TRPM6: variants seen among roughly 807,000 people sequenced by gnomAD.
The protein encoded by TRPM6 is channel kinase 2.
TRPM6 carries 111 observed loss-of-function variants against 247.6 expected under a neutral mutation model. The observed-to-expected ratio is 0.45, with a 90% CI of 0.38 to 0.52. The LOEUF (loss-of-function observed/expected upper bound fraction) is 0.52. Ranked by LOEUF, TRPM6 falls within the 20% of genes least tolerant of loss-of-function variation. TRPM6 has a pLI of 0.00. For synonymous variants in TRPM6, 892 were observed against 853.8 expected (o/e 1.04, Z -0.78); for missense variants, 2,126 against 2,421.5 (o/e 0.88, Z 2.56).
In TRPM6 at chr9:74,827,691, G is replaced by A. The variant is rs569086971; in HGVS notation, c.841+87C>T. 3 of 1,394,314 alleles carry A rather than the reference G, an allele frequency of 2.2e-6. No homozygotes were observed. The South Asian group carries it at 3.5e-5, about 16-fold the overall frequency. 86.4% of individuals were successfully genotyped at this position (1,394,314 alleles called of 1,614,324 possible). A position where few individuals can be genotyped will look rare whatever the true frequency, so the allele number is the denominator to read the frequency against. On this transcript the variant is annotated intron_variant, in intron 7 of 38. Coordinates refer to ENST00000360774, the MANE Select transcript of TRPM6 (RefSeq NM_017662.5). ...GGAGGCTAGCTTGAGGGGACTAGGA[G>A]AGTGAGCTCTGATGGTCAGGGAAGA...
At position 74,762,663 on chromosome 9, in the gene TRPM6, T is replaced by G. The variant is rs750380675; in HGVS notation, c.4008A>C (p.Gln1336His). The G allele has an allele frequency of 1.2e-6, 2 of 1,614,182 alleles. No homozygotes were observed. Among genetic ancestry groups the G allele is most frequent in the Non-Finnish European group, 1.7e-6 (2 of 1,180,014 alleles). ...IVVSGVSPNR[Q>H]AHSKYGQFLL... ...GAAACTGGCCATACTTTGAGTGTGCTTGCCTGTTAGGAGACACCCCAGAAA... is the reference window on the plus strand; with the variant it reads ...GAAACTGGCCATACTTTGAGTGTGCGTGCCTGTTAGGAGACACCCCAGAAA... The change falls in exon 26 of 39, where the codon CAA becomes CAC. Residue 1336 changes from glutamine to histidine, a missense_variant. Transcript: ENST00000360774.
chr9:74,726,484 T>C (rs1825329539), intron 38 of TRPM6, among the ~76,000 whole-genome samples: 2 of 152,134 alleles, frequency 1.3e-5, no homozygotes, highest in Admixed American at 6.5e-5. Context: ...CACTCCAGCC[T>C]GGATGACAAG....
intron 11 of TRPM6, 131 bp downstream of exon 11, chr9:74,816,538 T>A (rs1460404358): frequency 4.5e-6 from 3 of 666,382 alleles, no homozygotes; most frequent in Non-Finnish European, 7.9e-6. Context: ...GTCTTAGCTA[T>A]CCCAGCTACA....
At chr9:74,882,852 ATT>A (rs1831406059) in intron 1 of TRPM6, among the ~76,000 whole-genome samples, 1 of 152,118 alleles carries the variant, frequency 6.6e-6, no homozygotes, top group Non-Finnish European at 1.5e-5. Flanking sequence ...CTCTTTTTCC[ATT>A]TTTGTTTTAA....
In TRPM6 at chr9:74,820,165, C is replaced by A. The variant is rs138603811; in HGVS notation, c.1134+139G>T. On this transcript the variant is annotated intron_variant, in intron 9 of 38. Coordinates refer to ENST00000360774, the MANE Select transcript of TRPM6 (RefSeq NM_017662.5). ...ATTTATCCTGATTTTCTCCCTCCCCCCTCCACCCTGACAGGCCCCTGTATG... is the reference window on the plus strand; with the variant it reads ...ATTTATCCTGATTTTCTCCCTCCCCACTCCACCCTGACAGGCCCCTGTATG... 20,975 of 918,916 alleles carry A rather than the reference C, an allele frequency of 0.023. 393 individuals are homozygous for A. The highest frequency in any genetic ancestry group is 0.032 in the Middle Eastern group (104 of 3,240). 56.9% of individuals were successfully genotyped at this position (918,916 alleles called of 1,614,324 possible).
intron 23 of TRPM6, among the ~76,000 whole-genome samples, chr9:74,779,520 A>T (rs1180088607): frequency 6.6e-6 from 1 of 152,072 alleles, no homozygotes; most frequent in Non-Finnish European, 1.5e-5. Context: ...TGTCTTCCCT[A>T]CTTTTGTTAC....
rs765593417 is a variant in TRPM6 at position 74,739,968 on chromosome 9, G to C, written c.5242C>G (p.Pro1748Ala). Reference sequence around the variant, plus strand: ...GACATGCTTTTATCAAGGTTTAAAGGGGAACTCTCCTCCAACCTGTAGACA... The same window carrying C: ...GACATGCTTTTATCAAGGTTTAAAGCGGAACTCTCCTCCAACCTGTAGACA... ...ITVYRLEESS[P>A]LNLDKSMSSW... The change falls in exon 34 of 39, where the codon CCT becomes GCT. Residue 1748 changes from proline (P) to alanine (A), a missense_variant. By Grantham distance (27) the Pro-to-Ala change is conservative (BLOSUM62 -1). Transcript: ENST00000360774. 4 of 1,613,946 alleles carry C rather than the reference G, an allele frequency of 2.5e-6. No homozygotes were observed. In the African/African-American group the frequency reaches 5.3e-5, roughly 22 times the overall value.
chr9:74,752,734 T>A (rs1323925315), intron 28 of TRPM6, among the ~76,000 whole-genome samples: 2 of 152,184 alleles, frequency 1.3e-5, no homozygotes, highest in Admixed American at 1.3e-4. Context: ...ATATGTGAAA[T>A]TTAATTCCAT....
At chr9:74,848,378 C>G (rs186643715) in intron 3 of TRPM6, among the ~76,000 whole-genome samples, 1 of 152,262 alleles carries the variant, frequency 6.6e-6, no homozygotes, top group African/African-American at 2.4e-5. Context: ...GGGTGGGGAG[C>G]GTCTGTAGCA....
rs964930497 is a variant in TRPM6 at position 74,775,893 on chromosome 9, G to A, written c.3393C>T (p.Asp1131=). 17 of 1,613,920 alleles carry A rather than the reference G, an allele frequency of 1.1e-5. No homozygotes were observed. Among genetic ancestry groups the A allele is most frequent in the Admixed American group, 1.7e-5 (1 of 59,994 alleles). ...HRAPHDQEEG[D]VGLKLYLSKE... Reference sequence around the variant, plus strand: ...CATAGAACAACTTACTTAATCCAACGTCACCCTCTTCTTGGTCGTGAGGAG... The same window carrying A: ...CATAGAACAACTTACTTAATCCAACATCACCCTCTTCTTGGTCGTGAGGAG... The change falls in exon 24 of 39, where the codon GAC becomes GAT. Residue 1131 remains aspartate (D), a synonymous_variant. Coordinates refer to ENST00000360774, the MANE Select transcript of TRPM6 (RefSeq NM_017662.5).
chr9:74,745,387 G>A (rs1826006061), intron 31 of TRPM6, among the ~76,000 whole-genome samples: 1 of 152,110 alleles, frequency 6.6e-6, no homozygotes, highest in African/African-American at 2.4e-5. Flanking sequence ...AACAGATAAA[G>A]TCTCTAGTTC....
chr9:74,800,838 A>ACTTATACATAGG (rs939179975), intron 16 of TRPM6, among the ~76,000 whole-genome samples: 1 of 151,072 alleles, frequency 6.6e-6, no homozygotes, highest in East Asian at 1.9e-4. Context: ...TTGGTTTGGG[A>ACTTATACATAGG]CTTATACATA....
rs1209055624 is a variant in TRPM6, at chr9:74,765,117, T to C, written c.3537-1983A>G. Among the ~76,000 whole-genome samples the C allele has an allele frequency of 5.3e-5, 8 of 152,184 alleles. No homozygotes were observed. The South Asian group carries it at 6.2e-4, about 12-fold the overall frequency. ...ATCTTACTATGCTAAAGCAGACAGA[T>C]ATGTTTGTTATATTGTGAGATAGAA... is the stretch of plus-strand genomic sequence containing the variant. On this transcript the variant is annotated intron_variant, in intron 25 of 38. Transcript: ENST00000360774.
At chr9:74,855,653 C>A in intron 2 of TRPM6, 88 bp from the exon 3 acceptor site, 1 of 904,334 alleles carries the variant, frequency 1.1e-6, no homozygotes, top group Non-Finnish European at 1.8e-6. Context: ...TATTATTTTC[C>A]ATGATCTAGA....
chr9:74,760,506 TAATGA>T (rs1363017635), intron 27 of TRPM6, among the ~76,000 whole-genome samples: 3 of 152,308 alleles, frequency 2.0e-5, no homozygotes, highest in African/African-American at 7.2e-5. Context: ...TGAAATCACC[TAATGA>T]CACATTTCTC....
chr9:74,860,042 CG>C (rs1408629908), intron 1 of TRPM6, among the ~76,000 whole-genome samples: 1 of 152,134 alleles, frequency 6.6e-6, no homozygotes, highest in Non-Finnish European at 1.5e-5. Context: ...CAATCCTAAA[CG>C]TAAGTGTTCA....
chr9:74,794,262 A>T (rs1274491155), intron 18 of TRPM6, among the ~76,000 whole-genome samples: 1 of 152,212 alleles, frequency 6.6e-6, no homozygotes, highest in Non-Finnish European at 1.5e-5. Context: ...CGTAGCCACA[A>T]AAGTTATCTC....
intron 5 of TRPM6, among the ~76,000 whole-genome samples, chr9:74,838,981 G>C (rs1829822817): frequency 6.6e-6 from 1 of 151,954 alleles, no homozygotes; most frequent in Non-Finnish European, 1.5e-5. Flanking sequence ...GTGGTGACAG[G>C]CACCTGTAAT....
In TRPM6 at chr9:74,776,129, T is replaced by C. The variant is rs1416347949; in HGVS notation, c.3210-53A>G. The C allele has an allele frequency of 2.0e-6, 3 of 1,485,206 alleles. No homozygotes were observed. The African/African-American group carries it at 4.2e-5, about 21-fold the overall frequency. 92.0% of individuals were successfully genotyped at this position (1,485,206 alleles called of 1,614,324 possible). A position where few individuals can be genotyped will look rare whatever the true frequency, so the allele number is the denominator to read the frequency against. ...TGTTTTAATATGAAGTCTTGAAAGG[T>C]AACAGAGTCTATATTTTCCAACATT... is the stretch of plus-strand genomic sequence containing the variant. On this transcript the variant is annotated intron_variant, in intron 23 of 38. Coordinates refer to ENST00000360774, the MANE Select transcript of TRPM6 (RefSeq NM_017662.5).
Sources: gnomAD v4.1 joint callset for allele counts (sites outside exome capture counted in the v4.1 genomes callset) on GRCh38, gnomAD v4.1.1 for gene constraint, MANE v1.5 for transcripts, NCBI Gene and HGNC (gene_info 2026-07-23, HGNC 2026-07-21) for gene names.